The following E2F3 variants were observed in gnomAD, a reference collection of about 807,000 sequenced individuals.
The protein encoded by E2F3 is transcription factor E2F3.
E2F3 carries 11 observed loss-of-function variants against 44.4 expected under a neutral mutation model. The observed-to-expected ratio is 0.25, with a 90% CI of 0.16 to 0.41. The LOEUF (loss-of-function observed/expected upper bound fraction) is 0.41. Ranked by LOEUF, E2F3 falls within the 10% of genes least tolerant of loss-of-function variation. The probability of loss-of-function intolerance (pLI) is 1.00; values close to 1 mark genes in which losing one functional copy is unlikely to be tolerated. For missense variants in E2F3, 487 were observed against 583.6 expected (o/e 0.83, Z 1.70); for synonymous variants, 249 against 253.0 (o/e 0.98, Z 0.15).
chr6:20,423,196 T>C (rs1760084862), intron 1 of E2F3, among the ~76,000 whole-genome samples: 1 of 152,204 alleles, frequency 6.6e-6, no homozygotes, highest in Non-Finnish European at 1.5e-5. Flanking sequence ...ATTTCATCAT[T>C]TTGCAGACAT....
At chr6:20,420,557 GT>G (rs1759992444) in intron 1 of E2F3, among the ~76,000 whole-genome samples, 1 of 152,158 alleles carries the variant, frequency 6.6e-6, no homozygotes, top group Admixed American at 6.5e-5. Flanking sequence ...GTCATATGGA[GT>G]CTTTGGTTTC....
chr6:20,423,019 G>A (rs559859279), intron 1 of E2F3, among the ~76,000 whole-genome samples: 4 of 152,322 alleles, frequency 2.6e-5, no homozygotes, highest in South Asian at 2.1e-4. Flanking sequence ...TGCAGTATCC[G>A]TGGAGCACAA....
chr6:20,489,982 C>T (rs368454061), intron 6 of E2F3, among the ~76,000 whole-genome samples, 186 bp from the exon 7 acceptor site: 8 of 151,974 alleles, frequency 5.3e-5, no homozygotes, highest in Admixed American at 2.6e-4. Context: ...AAAAGGGGGA[C>T]GGGGGTGGCA....
At position 20,490,075 on chromosome 6, in the gene E2F3, G is replaced by A; in HGVS notation, c.1136-93G>A. 7.3e-7 allele frequency: 1 copy of A among 1,364,800 alleles called. No individual in the cohort carries two copies. The highest frequency in any genetic ancestry group is 1.5e-5 in the South Asian group (1 of 68,392). 84.5% of individuals were successfully genotyped at this position (1,364,800 alleles called of 1,614,324 possible). A position where few individuals can be genotyped will look rare whatever the true frequency, so the allele number is the denominator to read the frequency against. ...TTGTCATTATTTGCGGAAGGTACAT[G>A]CTTTTTTCTAACAGCAACATATACA... is the stretch of plus-strand genomic sequence containing the variant. On this transcript the variant is annotated intron_variant, in intron 6 of 6. Transcript: ENST00000346618. The surrounding 1 kb of genome is among the most constrained non-coding windows in gnomAD (Gnocchi z 4.3).
At chr6:20,461,100 C>T (rs1234525341) in intron 1 of E2F3, among the ~76,000 whole-genome samples, 3 of 150,558 alleles carry the variant, frequency 2.0e-5, no homozygotes, top group Non-Finnish European at 4.4e-5. Flanking sequence ...GCCCATTCTT[C>T]TGCCTCACTA....
At chr6:20,412,958 C>T (rs567541758) in intron 1 of E2F3, among the ~76,000 whole-genome samples, 5 of 152,278 alleles carry the variant, frequency 3.3e-5, no homozygotes, top group African/African-American at 1.2e-4. Context: ...GTGCTTTACT[C>T]GCATTAGCAC....
intron 1 of E2F3, among the ~76,000 whole-genome samples, chr6:20,474,951 T>G (rs1231353049): frequency 2.0e-5 from 3 of 152,182 alleles, no homozygotes; most frequent in Non-Finnish European, 4.4e-5. Context: ...TGACATAAAG[T>G]GCTCACCTCC....
chr6:20,436,351 C>T lies in E2F3; in HGVS notation c.393+33726C>T, dbSNP rs549994634. Among the ~76,000 whole-genome samples, 18 of 152,142 alleles carry T rather than the reference C, an allele frequency of 1.2e-4. 1 individual carries two copies. Among genetic ancestry groups the T allele is most frequent in the African/African-American group, 1.9e-4 (8 of 41,534 alleles). The stretch of plus-strand genomic sequence containing the variant: ...TTCTGGTAAAATCAAGATTCTAGAT[C>T]GGGGTGTCCAATCTTTTGGCTTCCC... On this transcript the variant is annotated intron_variant, in intron 1 of 6. Coordinates refer to ENST00000346618, the MANE Select transcript of E2F3 (RefSeq NM_001949.5).
At position 20,486,751 on chromosome 6, in the gene E2F3, T is replaced by A; in HGVS notation, c.947T>A (p.Ile316Lys). 6.2e-7 allele frequency: 1 copy of A among 1,613,758 alleles called. No individual in the cohort carries two copies. Among genetic ancestry groups the A allele is most frequent in the Non-Finnish European group, 8.5e-7 (1 of 1,179,880 alleles). Residue 316 changes from isoleucine to lysine, a missense_variant, in exon 5 of 7, where the codon ATA becomes AAA. This residue lies in a region of E2F3 where 220 missense variants were observed against 261.7 expected (regional missense o/e 0.84). Coordinates refer to ENST00000346618, the MANE Select transcript of E2F3 (RefSeq NM_001949.5). Reference protein sequence around the residue: ...KISGLKDQTVIVVKAPPETRL... With the variant: ...KISGLKDQTVKVVKAPPETRL... Reference sequence around the variant, plus strand: ...AGTGGCCTTAAAGACCAAACTGTTATAGTTGTGAAAGCCCCTCCAGAAACA... The same window carrying A: ...AGTGGCCTTAAAGACCAAACTGTTAAAGTTGTGAAAGCCCCTCCAGAAACA...
chr6:20,486,333 C>G, intron 4 of E2F3, among the ~76,000 whole-genome samples: 1 of 152,156 alleles, frequency 6.6e-6, no homozygotes, highest in Non-Finnish European at 1.5e-5. Flanking sequence ...AGTGCAGTGG[C>G]GCGATCTCGT....
In E2F3 at chr6:20,402,974, A is replaced by C. The variant is rs1561843277; in HGVS notation, c.393+349A>C. Reference sequence around the variant, plus strand: ...AGCTTCCTCTTTCTCGGGCGTAGGAAGGGGTCACGCCCCGGATGGAGAAGG... The same window carrying C: ...AGCTTCCTCTTTCTCGGGCGTAGGACGGGGTCACGCCCCGGATGGAGAAGG... On this transcript the variant is annotated intron_variant, in intron 1 of 6. Coordinates refer to ENST00000346618, the MANE Select transcript of E2F3 (RefSeq NM_001949.5). This position sits in a 1 kb window ranked among gnomAD's most constrained non-coding sequence, Gnocchi z 5.6. 6.6e-6 allele frequency among the ~76,000 whole-genome samples: 1 copy of C among 151,140 alleles called. No homozygotes were observed. The highest frequency in any genetic ancestry group is 1.5e-5 in the Non-Finnish European group (1 of 67,682).
intron 1 of E2F3, among the ~76,000 whole-genome samples, chr6:20,466,722 G>T (rs1160495840): frequency 4.1e-5 from 6 of 145,030 alleles, no homozygotes; most frequent in Non-Finnish European, 9.0e-5. Context: ...TGGCTCTGTC[G>T]CCCAGGCTCG....
chr6:20,418,294 A>T (rs1398070682), intron 1 of E2F3, among the ~76,000 whole-genome samples: 1 of 152,226 alleles, frequency 6.6e-6, no homozygotes, highest in Admixed American at 6.5e-5. Context: ...CTAGAGATGC[A>T]TTATCACATT....
At chr6:20,440,558 T>C (rs1247337444) in intron 1 of E2F3, among the ~76,000 whole-genome samples, 1 of 152,228 alleles carries the variant, frequency 6.6e-6, no homozygotes, top group Non-Finnish European at 1.5e-5. Context: ...AAGTCAATGA[T>C]ACCAGTAGAA....
Position 20,419,944 on chromosome 6 carries a change from C to T in E2F3, c.393+17319C>T, listed in dbSNP as rs991662690. On this transcript the variant is annotated intron_variant, in intron 1 of 6. Coordinates refer to ENST00000346618, the MANE Select transcript of E2F3 (RefSeq NM_001949.5). ...GCAGTGGTGCAGTCTTGGCTCTCTGCGACCTCTGCTTCCCGGGCTCAAGTG... is the reference window on the plus strand; with the variant it reads ...GCAGTGGTGCAGTCTTGGCTCTCTGTGACCTCTGCTTCCCGGGCTCAAGTG... 3.9e-5 allele frequency among the ~76,000 whole-genome samples: 6 copies of T among 152,310 alleles called. No homozygotes were observed. The South Asian group carries it at 6.2e-4, about 16-fold the overall frequency.
At chr6:20,444,445 A>C (rs1760872496) in intron 1 of E2F3, among the ~76,000 whole-genome samples, 1 of 152,230 alleles carries the variant, frequency 6.6e-6, no homozygotes, top group Admixed American at 6.5e-5. Flanking sequence ...TAGACAAATG[A>C]AAGATTTGTC....
At chr6:20,429,955 T>C (rs535628831) in intron 1 of E2F3, among the ~76,000 whole-genome samples, 1 of 152,260 alleles carries the variant, frequency 6.6e-6, no homozygotes, top group Admixed American at 6.5e-5. Context: ...ACCCTAGTTA[T>C]AATGAGCCAT....
intron 1 of E2F3, among the ~76,000 whole-genome samples, chr6:20,429,982 CCT>C (rs1761306253): frequency 6.6e-6 from 1 of 151,930 alleles, no homozygotes; most frequent in African/African-American, 2.4e-5. Context: ...TAAAATGAAT[CCT>C]CTCTGTTAAA....
intron 1 of E2F3, among the ~76,000 whole-genome samples, chr6:20,414,074 A>G (rs1168220531): frequency 3.3e-5 from 5 of 152,198 alleles, no homozygotes; most frequent in African/African-American, 1.2e-4. Context: ...GAGCACCGGA[A>G]GTGGGACTTT....
Sources: allele counts gnomAD v4.1 joint callset (sites outside exome capture counted in the v4.1 genomes callset), GRCh38; gene constraint gnomAD v4.1.1; regional missense constraint gnomAD v4.1.1; non-coding constraint Gnocchi (gnomAD v3.1); transcripts MANE v1.5; gene names NCBI Gene and HGNC (gene_info 2026-07-23, HGNC 2026-07-21).